Variants in TWIST2 observed in about 807,000 individuals in gnomAD.
TWIST2 encodes the protein twist-related protein 2.
A neutral mutation model predicts 11.6 loss-of-function variants in TWIST2; 1 was observed. The ratio of observed to expected loss-of-function variants is 0.09; its 90% confidence interval spans 0.03 to 0.41. The LOEUF (loss-of-function observed/expected upper bound fraction) is 0.41, where lower values mean the gene tolerates loss of function less well. Among genes scored for constraint, TWIST2 ranks in the 10% least tolerant of loss-of-function variants. TWIST2 has a pLI of 0.98. For synonymous variants in TWIST2, 87 were observed against 96.6 expected (o/e 0.90, Z 0.58); for missense variants, 168 against 226.4 (o/e 0.74, Z 1.66).
Position 238,848,483 on chromosome 2 carries a change from C to T in TWIST2, c.268C>T (p.Arg90Cys). The change falls in exon 1 of 2, where the codon CGC (arginine) becomes TGC (cysteine). Residue 90 changes from arginine (R) to cysteine (C), a missense_variant. Physicochemically the swap from Arg to Cys is radical, Grantham distance 180. Around this residue, in one of 3 missense-constraint regions of TWIST2, gnomAD observed 23 missense variants for 58.5 expected, o/e 0.39. Transcript: ENST00000612363. ...QSLNEAFAALRKIIPTLPSDK... is the reference protein window; with the variant it reads ...QSLNEAFAALCKIIPTLPSDK... ...GCTCAACGAGGCCTTCGCGGCGCTG[C>T]GCAAGATCATCCCCACGCTGCCCTC... 1 of 1,578,442 alleles carries T rather than the reference C, an allele frequency of 6.3e-7. No homozygotes were observed. Among genetic ancestry groups the T allele is most frequent in the South Asian group, 1.2e-5 (1 of 86,166 alleles).
chr2:238,870,576 C>G (rs1441766166), intron 1 of TWIST2, among the ~76,000 whole-genome samples: 1 of 51,166 alleles, frequency 2.0e-5, no homozygotes. Context: ...CACCACACAC[C>G]ACACACACAC....
chr2:238,872,811 C>T (rs751720260), intron 1 of TWIST2, among the ~76,000 whole-genome samples: 3 of 152,184 alleles, frequency 2.0e-5, no homozygotes, highest in African/African-American at 7.2e-5. Flanking sequence ...CACGGGCATA[C>T]GGCCCAGAGG....
chr2:238,867,145 G>A lies in TWIST2; in HGVS notation c.*35+18412G>A, dbSNP rs753522411. ...TGTTTCGAGGGCCTTTTCCGTCCTC[G>A]AAGCCAGCAGCTGGAGGGAAGGAGG... On this transcript the variant is annotated intron_variant, in intron 1 of 1. Coordinates refer to ENST00000612363, the MANE Select transcript of TWIST2 (RefSeq NM_001271893.4). The surrounding 1 kb of genome is among the most constrained non-coding windows in gnomAD (Gnocchi z 4.8). Among the ~76,000 whole-genome samples the A allele has an allele frequency of 5.9e-5, 9 of 152,032 alleles. No homozygotes were observed. The highest frequency in any genetic ancestry group is 9.7e-5 in the African/African-American group (4 of 41,368).
chr2:238,871,697 G>T (rs557135887), intron 1 of TWIST2, among the ~76,000 whole-genome samples: 4 of 132,102 alleles, frequency 3.0e-5, no homozygotes, highest in Non-Finnish European at 4.6e-5. Context: ...ACACACACAC[G>T]ATGGAATGTC....
At chr2:238,878,094 G>C (rs1480076106) in intron 1 of TWIST2, among the ~76,000 whole-genome samples, 2 of 152,182 alleles carry the variant, frequency 1.3e-5, no homozygotes, top group Non-Finnish European at 2.9e-5. Flanking sequence ...CTGGAGGCTG[G>C]TTTTGTGCAG....
intron 1 of TWIST2, among the ~76,000 whole-genome samples, chr2:238,882,118 G>A (rs553294967): frequency 7.9e-5 from 12 of 152,242 alleles, no homozygotes; most frequent in African/African-American, 2.9e-4. Flanking sequence ...CACATGGCAA[G>A]TCAGATTTAA....
chr2:238,878,038 A>C (rs1022124571), intron 1 of TWIST2, among the ~76,000 whole-genome samples: 1 of 152,350 alleles, frequency 6.6e-6, no homozygotes, highest in South Asian at 2.1e-4. Context: ...GACAATGGCC[A>C]TGAAGACGGT....
rs972241388 is a variant in TWIST2 at position 238,848,205 on chromosome 2, G to C, written c.-11G>C. ...CGGCGCCCCCAGCCCCACGCGCGCC[G>C]GGCGGGCGCCATGGAGGAGGGCTCC... is the stretch of plus-strand genomic sequence containing the variant. On this transcript the variant is annotated 5_prime_UTR_variant, in exon 1 of 2. Coordinates refer to ENST00000612363, the MANE Select transcript of TWIST2 (RefSeq NM_001271893.4). 1 of 1,286,376 alleles carries C rather than the reference G, an allele frequency of 7.8e-7. No homozygotes were observed. Among genetic ancestry groups the C allele is most frequent in the Non-Finnish European group, 9.8e-7 (1 of 1,019,310 alleles). The allele number at this position is 1,286,376 out of a possible 1,614,324, so 79.7% of individuals were successfully genotyped here.
intron 1 of TWIST2, among the ~76,000 whole-genome samples, chr2:238,857,041 C>T (rs1034515707): frequency 1.3e-5 from 2 of 152,106 alleles, no homozygotes; most frequent in African/African-American, 4.8e-5. Flanking sequence ...AAAGCAGAGG[C>T]CCCCAGAGGA....
intron 1 of TWIST2, among the ~76,000 whole-genome samples, chr2:238,868,306 C>T (rs1001493577): frequency 3.7e-4 from 57 of 152,326 alleles, no homozygotes; most frequent in African/African-American, 1.4e-3. Flanking sequence ...ACCTGACTGC[C>T]CAAGTGCCGG....
chr2:238,873,513 C>T lies in TWIST2; in HGVS notation c.*35+24780C>T, dbSNP rs572884263. On this transcript the variant is annotated intron_variant, in intron 1 of 1. Coordinates refer to ENST00000612363, the MANE Select transcript of TWIST2 (RefSeq NM_001271893.4). ...GGGTTGGGAGTGGGCAGGGGGATGGCTTCAGAGTAGAAGGGAGCTGCAGAG... is the reference window on the plus strand; with the variant it reads ...GGGTTGGGAGTGGGCAGGGGGATGGTTTCAGAGTAGAAGGGAGCTGCAGAG... Among the ~76,000 whole-genome samples, 3 of 152,282 alleles carry T rather than the reference C, an allele frequency of 2.0e-5. No individual in the cohort carries two copies. The East Asian group carries it at 5.8e-4, about 29-fold the overall frequency.
At chr2:238,859,718 C>T (rs1280004860) in intron 1 of TWIST2, among the ~76,000 whole-genome samples, 1 of 152,182 alleles carries the variant, frequency 6.6e-6, no homozygotes, top group Non-Finnish European at 1.5e-5. Flanking sequence ...CCTGCTTCAG[C>T]ACTTATCCAA....
chr2:238,909,010 TGTGTGTATGTGGAGGTGTGGTGTA>T (rs1693406346), intron 1 of TWIST2, among the ~76,000 whole-genome samples: 1 of 152,272 alleles, frequency 6.6e-6, no homozygotes, highest in African/African-American at 2.4e-5. Flanking sequence ...GTGTGGTGTG[TGTGTGTATGTGGAGGTGTGGTGTA>T]TTCGTGGTTG....
intron 1 of TWIST2, among the ~76,000 whole-genome samples, chr2:238,865,876 G>C (rs541388690): frequency 1.8e-4 from 27 of 152,202 alleles, no homozygotes; most frequent in Non-Finnish European, 3.7e-4. Flanking sequence ...AATGCCATTC[G>C]CTGTGATGAA....
chr2:238,881,436 G>A (rs943623281), intron 1 of TWIST2, among the ~76,000 whole-genome samples: 2 of 150,742 alleles, frequency 1.3e-5, no homozygotes, highest in South Asian at 2.1e-4. Flanking sequence ...TATTAGTGTC[G>A]GTATTTATTA....
chr2:238,905,655 T>C (rs1010086935), intron 1 of TWIST2, among the ~76,000 whole-genome samples: 1 of 152,200 alleles, frequency 6.6e-6, no homozygotes, highest in Non-Finnish European at 1.5e-5. Context: ...TCAGCTCATA[T>C]ATCAAAAGCT....
At chr2:238,892,635 C>CACA (rs933550016) in intron 1 of TWIST2, among the ~76,000 whole-genome samples, 5 of 96,120 alleles carry the variant, frequency 5.2e-5, no homozygotes, top group African/African-American at 1.8e-4. Context: ...CGACCACCAC[C>CACA]ACGCCTGGCT....
chr2:238,871,523 A>C (rs1323400181), intron 1 of TWIST2, among the ~76,000 whole-genome samples: 1 of 74,906 alleles, frequency 1.3e-5, no homozygotes, highest in Non-Finnish European at 2.6e-5. Flanking sequence ...ATACCCCCCA[A>C]ACCCCACACC....
chr2:238,859,859 C>CT (rs1397255404), intron 1 of TWIST2, among the ~76,000 whole-genome samples: 3 of 152,212 alleles, frequency 2.0e-5, no homozygotes, highest in African/African-American at 7.2e-5. Flanking sequence ...CTGCCCTCTG[C>CT]TTTTTGTGAC....
Sources: allele counts gnomAD v4.1 joint callset (sites outside exome capture counted in the v4.1 genomes callset), GRCh38; gene constraint gnomAD v4.1.1; regional missense constraint gnomAD v4.1.1; non-coding constraint Gnocchi (gnomAD v3.1); transcripts MANE v1.5; gene names NCBI Gene and HGNC (gene_info 2026-07-23, HGNC 2026-07-21).